The following CEP104 variants were observed in gnomAD, a reference collection of about 807,000 sequenced individuals.
The protein encoded by CEP104 is centrosomal protein of 104 kDa.
CEP104 carries 84 observed loss-of-function variants against 113.3 expected under a neutral mutation model. The observed-to-expected ratio is 0.74, with a 90% CI of 0.62 to 0.89. CEP104 has a LOEUF of 0.89. Among genes scored for constraint, CEP104 ranks in the 40% least tolerant of loss-of-function variants. The pLI, the probability that CEP104 is intolerant of heterozygous loss-of-function variation, is 0.00. For synonymous variants in CEP104, 378 were observed against 421.7 expected, an observed-to-expected ratio of 0.90 and a Z score of 1.27; for missense variants, 1,053 against 1,156.6, an observed-to-expected ratio of 0.91 and a Z score of 1.30.
rs1643925382 is a variant in CEP104 at position 3,819,208 on chromosome 1, A to T, written c.2572-2838T>A. Among the ~76,000 whole-genome samples the T allele has an allele frequency of 2.0e-5, 3 of 152,392 alleles. No homozygotes were observed. In the South Asian group the frequency reaches 6.2e-4, roughly 32 times the overall value. On this transcript the variant is annotated intron_variant, in intron 20 of 21. Coordinates refer to ENST00000378230, the MANE Select transcript of CEP104 (RefSeq NM_014704.4). This position sits in a 1 kb window ranked among gnomAD's most constrained non-coding sequence, Gnocchi z 4.6. ...GCGAACCTTGAAAACACGTTAAGTC[A>T]AAGACACAAAGGCCGCATAGTGTCT...
intron 20 of CEP104, among the ~76,000 whole-genome samples, chr1:3,820,830 C>T (rs546638656): frequency 2.3e-4 from 35 of 152,246 alleles, no homozygotes; most frequent in Non-Finnish European, 4.3e-4. Flanking sequence ...CTGGGGCTGC[C>T]GCAGGTGCAG....
At chr1:3,834,265 T>A (rs1644270012) in intron 11 of CEP104, among the ~76,000 whole-genome samples, 1 of 152,166 alleles carries the variant, frequency 6.6e-6, no homozygotes, top group Non-Finnish European at 1.5e-5. Flanking sequence ...CTTCCCTTCA[T>A]ACCGAGTATC....
intron 6 of CEP104, among the ~76,000 whole-genome samples, chr1:3,843,769 T>TG (rs1316798606): frequency 4.8e-5 from 7 of 145,394 alleles, no homozygotes; most frequent in South Asian, 2.1e-4. Flanking sequence ...GTGGTGTGTG[T>TG]TTTTTTTTTT....
chr1:3,836,919 T>TA (rs945825198), intron 9 of CEP104: 44 of 536,760 alleles, frequency 8.2e-5, no homozygotes, highest in Middle Eastern at 4.9e-4. Context: ...ACAGACCTAA[T>TA]AAAAAAAAGC....
intron 17 of CEP104, among the ~76,000 whole-genome samples, chr1:3,826,070 T>A (rs1291121089): frequency 2.0e-5 from 3 of 152,206 alleles, no homozygotes; most frequent in African/African-American, 7.2e-5. Flanking sequence ...GGGTGTGCCA[T>A]GTGTTAAAGC....
chr1:3,834,122 C>A (rs58355219), intron 11 of CEP104, 87 bp from the exon 12 acceptor site: 2 of 1,077,352 alleles, frequency 1.9e-6, no homozygotes, highest in Non-Finnish European at 1.4e-6. Context: ...GTAACACATA[C>A]GAACATTATA....
intron 20 of CEP104, among the ~76,000 whole-genome samples, chr1:3,817,265 G>A (rs947380716): frequency 2.0e-5 from 3 of 152,072 alleles, no homozygotes; most frequent in Non-Finnish European, 4.4e-5. Context: ...TTGCTTGAAC[G>A]TGAGAGGCGG....
At chr1:3,839,571 G>A (rs769415054) in intron 7 of CEP104, 37 bp downstream of exon 7, 3 of 1,568,446 alleles carry the variant, frequency 1.9e-6, no homozygotes, top group Non-Finnish European at 2.6e-6. Flanking sequence ...ACCTATTACA[G>A]GCATAAATTA....
At chr1:3,833,574 A>G (rs116017208) in intron 12 of CEP104, 1 of 308,058 alleles carries the variant, frequency 3.2e-6, no homozygotes, top group East Asian at 5.4e-5. Flanking sequence ...CTTTACCCTC[A>G]GATTTTCTCT....
At position 3,845,275 on chromosome 1, in the gene CEP104, C is replaced by T. The variant is rs1203586651; in HGVS notation, c.489+14G>A. ...AGATTTACTTCCTTAGGAATTAAAACTTTCCAAACTTACAGTATTGCTTTC... is the reference window on the plus strand; with the variant it reads ...AGATTTACTTCCTTAGGAATTAAAATTTTCCAAACTTACAGTATTGCTTTC... On this transcript the variant is annotated intron_variant, in intron 5 of 21. Transcript: ENST00000378230. The T allele has an allele frequency of 6.4e-7, 1 of 1,566,578 alleles. No individual in the cohort carries two copies. The highest frequency in any genetic ancestry group is 8.7e-7 in the Non-Finnish European group (1 of 1,146,520).
chr1:3,834,829 C>A, intron 11 of CEP104, 96 bp downstream of exon 11: 1 of 1,163,956 alleles, frequency 8.6e-7, no homozygotes, highest in Non-Finnish European at 1.2e-6. Context: ...ACGTCAATGA[C>A]CAACTGGTCC....
chr1:3,837,387 G>A lies in CEP104; in HGVS notation c.1024C>T (p.Gln342Ter). 3 of 1,614,174 alleles carry A rather than the reference G, an allele frequency of 1.9e-6. No individual in the cohort carries two copies. Among genetic ancestry groups the A allele is most frequent in the Non-Finnish European group, 2.5e-6 (3 of 1,179,988 alleles). The change falls in exon 9 of 22, where the codon CAG (glutamine) becomes TAG (stop). Residue 342 changes from glutamine to a stop codon, truncating the protein, a stop_gained. Coordinates refer to ENST00000378230, the MANE Select transcript of CEP104 (RefSeq NM_014704.4). LOFTEE classifies it high-confidence loss of function. ...AGAGAATATGATGAAGGCTTTTCCT[G>A]AAGGAAAGGTTCTGCAAACTGGTTT... is the stretch of plus-strand genomic sequence containing the variant. ...TENQFAEPFLQEKPSSYSLTI... is the reference protein window; with the variant it reads ...TENQFAEPFL
At chr1:3,817,290 C>T (rs1170530856) in intron 20 of CEP104, among the ~76,000 whole-genome samples, 8 of 152,108 alleles carry the variant, frequency 5.3e-5, no homozygotes, top group Non-Finnish European at 8.8e-5. Flanking sequence ...TGCAGTGAGC[C>T]GAGATCACAT....
chr1:3,815,309 G>A lies in CEP104; in HGVS notation c.*93C>T. ...GAGCTGGGGACAGCAGCCAGAGCAT[G>A]GGGCCACCAAGGCCAGAGAGTTCTG... On this transcript the variant is annotated 3_prime_UTR_variant, in exon 22 of 22. Coordinates refer to ENST00000378230, the MANE Select transcript of CEP104 (RefSeq NM_014704.4). 1.1e-6 allele frequency: 1 copy of A among 950,720 alleles called. No homozygotes were observed. Among genetic ancestry groups the A allele is most frequent in the Admixed American group, 2.1e-5 (1 of 47,778 alleles). 58.9% of individuals were successfully genotyped at this position (950,720 alleles called of 1,614,324 possible).
chr1:3,849,162 G>A lies in CEP104; in HGVS notation c.114-381C>T, dbSNP rs550566531. On this transcript the variant is annotated intron_variant, in intron 2 of 21. Transcript: ENST00000378230. ...GAACTCAAATGCTTAAGGGCCCCAA[G>A]GTATCAATATTTAAGGAGTGCCTGC... Among the ~76,000 whole-genome samples the A allele has an allele frequency of 9.9e-5, 15 of 152,130 alleles. 1 individual carries two copies. Among genetic ancestry groups the A allele is most frequent in the Admixed American group, 9.8e-4 (15 of 15,272 alleles).
Position 3,836,478 on chromosome 1 carries a change from T to TTTTG in CEP104, c.1317+16_1317+17insCAAA. 4.3e-5 allele frequency: 62 copies of TTTTG among 1,457,046 alleles called. No homozygotes were observed. The highest frequency in any genetic ancestry group is 5.5e-5 in the Non-Finnish European group (61 of 1,108,354). The allele number at this position is 1,457,046 out of a possible 1,614,324, so 90.3% of individuals were successfully genotyped here. On this transcript the variant is annotated intron_variant, in intron 10 of 21. Transcript: ENST00000378230. ...CCCCTCTGCCACCCCGTTTTTTTTT[T>TTTTG]TTTTTTTTTTTTTTACCAAGGTTTC... is the stretch of plus-strand genomic sequence containing the variant.
At position 3,843,026 on chromosome 1, in the gene CEP104, G is replaced by A. The variant is rs147342623; in HGVS notation, c.566+1881C>T. 5.7e-3 allele frequency: 2,619 copies of A among 460,638 alleles called. 57 individuals carry two copies. The highest frequency in any genetic ancestry group is 0.048 in the African/African-American group (2,348 of 48,766). The allele number at this position is 460,638 out of a possible 1,614,324, so 28.5% of individuals were successfully genotyped here. Reference sequence around the variant, plus strand: ...TGGTCTTGAATTCCTGACCTCAAGTGATCTGCCCAACTCAGCCTCCCAAAG... The same window carrying A: ...TGGTCTTGAATTCCTGACCTCAAGTAATCTGCCCAACTCAGCCTCCCAAAG... On this transcript the variant is annotated intron_variant, in intron 6 of 21. Coordinates refer to ENST00000378230, the MANE Select transcript of CEP104 (RefSeq NM_014704.4).
At chr1:3,837,258 A>G (rs939034452) in intron 9 of CEP104, 34 bp downstream of exon 9, 4 of 1,548,714 alleles carry the variant, frequency 2.6e-6, no homozygotes, top group Middle Eastern at 3.4e-4. Flanking sequence ...ATACCCAAAT[A>G]AATTGAACGC....
At chr1:3,844,837 G>A in intron 6 of CEP104, 70 bp downstream of exon 6, 1 of 1,316,128 alleles carries the variant, frequency 7.6e-7, no homozygotes, top group Non-Finnish European at 1.1e-6. Context: ...GAATCCTTTG[G>A]AAATGACTGA....
Sources: allele counts gnomAD v4.1 joint callset (sites outside exome capture counted in the v4.1 genomes callset), GRCh38; gene constraint gnomAD v4.1.1; non-coding constraint Gnocchi (gnomAD v3.1); transcripts MANE v1.5; gene names NCBI Gene and HGNC (gene_info 2026-07-23, HGNC 2026-07-21).